Variants in PTPRM observed in about 807,000 individuals in gnomAD.
PTPRM encodes the protein protein tyrosine phosphatase receptor type M.
PTPRM carries 47 observed loss-of-function variants against 186.7 expected under a neutral mutation model. The observed-to-expected ratio is 0.25, with a 90% CI of 0.20 to 0.32. The LOEUF is 0.32. Ranked by LOEUF, PTPRM falls within the 10% of genes least tolerant of loss-of-function variation. The probability of loss-of-function intolerance (pLI) is 1.00; values close to 1 mark genes in which losing one functional copy is unlikely to be tolerated. For synonymous variants in PTPRM, 668 were observed against 674.9 expected (o/e 0.99, Z 0.16); for missense variants, 1,494 against 1,865.0 (o/e 0.80, Z 3.66).
intron 1 of PTPRM, among the ~76,000 whole-genome samples, chr18:7,591,860 A>C (rs1275267096): frequency 1.3e-5 from 2 of 152,234 alleles, no homozygotes; most frequent in African/African-American, 4.8e-5. Context: ...TGAATTCAGC[A>C]CCTGAAGATG....
chr18:7,864,017 C>A (rs992476398), intron 2 of PTPRM, among the ~76,000 whole-genome samples: 1 of 152,168 alleles, frequency 6.6e-6, no homozygotes, highest in Non-Finnish European at 1.5e-5. Context: ...AGTGTCTGTT[C>A]AAATCCTTTG....
intron 14 of PTPRM, among the ~76,000 whole-genome samples, chr18:8,238,343 A>G (rs1037061857): frequency 3.9e-5 from 6 of 152,036 alleles, no homozygotes; most frequent in African/African-American, 1.4e-4. Context: ...TTTTACTGAG[A>G]TAATCTTCAA....
intron 1 of PTPRM, among the ~76,000 whole-genome samples, chr18:7,746,689 C>G (rs1371969359): frequency 6.6e-6 from 1 of 152,138 alleles, no homozygotes; most frequent in Non-Finnish European, 1.5e-5. Flanking sequence ...TGGTCTTGAA[C>G]TCCTAGTCTC....
intron 1 of PTPRM, among the ~76,000 whole-genome samples, chr18:7,597,886 A>G (rs1031617418): frequency 1.3e-5 from 2 of 152,196 alleles, no homozygotes; most frequent in South Asian, 2.1e-4. Context: ...ACTCCCTAAA[A>G]CTATCCAGAT....
In PTPRM at chr18:7,684,108, AG is replaced by A. The variant is rs1395439039; in HGVS notation, c.74-90040del. ...TGAGAACAGCCTCAGTGATTAGGTC[AG>A]ACTCAGAAATTAGAATCTCCTATTC... On this transcript the variant is annotated intron_variant, in intron 1 of 32. Coordinates refer to ENST00000580170, the MANE Select transcript of PTPRM (RefSeq NM_001105244.2). 2.0e-5 allele frequency among the ~76,000 whole-genome samples: 3 copies of A among 152,040 alleles called. No individual in the cohort carries two copies. The East Asian group carries it at 5.8e-4, about 29-fold the overall frequency.
intron 13 of PTPRM, among the ~76,000 whole-genome samples, chr18:8,120,092 G>A (rs547326522): frequency 3.3e-5 from 5 of 152,114 alleles, no homozygotes; most frequent in Admixed American, 6.5e-5. Flanking sequence ...TCACAACTAC[G>A]CAGGTCTGCT....
At chr18:7,802,822 A>G (rs760069274) in intron 2 of PTPRM, among the ~76,000 whole-genome samples, 155 of 152,296 alleles carry the variant, frequency 1.0e-3, no homozygotes, top group Non-Finnish European at 1.4e-3. Context: ...TTATTGAAAA[A>G]CTGTTATGTT....
chr18:8,019,465 T>C (rs528214949), intron 7 of PTPRM, among the ~76,000 whole-genome samples: 109 of 152,290 alleles, frequency 7.2e-4, no homozygotes, highest in Admixed American at 3.8e-3. Context: ...GATTTGTTGG[T>C]CATATTTCTG....
intron 19 of PTPRM, among the ~76,000 whole-genome samples, chr18:8,286,001 C>T (rs72916828): frequency 0.03 from 4,610 of 152,168 alleles, 100 homozygotes; most frequent in South Asian, 0.058. Flanking sequence ...AAAAATGATG[C>T]GAAATTTCAT....
chr18:8,205,691 A>G (rs1335505640), intron 14 of PTPRM, among the ~76,000 whole-genome samples: 1 of 152,190 alleles, frequency 6.6e-6, no homozygotes, highest in South Asian at 2.1e-4. Flanking sequence ...ACACACTGCT[A>G]GCTCTCATAC....
At chr18:8,239,820 C>T (rs2094395448) in intron 14 of PTPRM, among the ~76,000 whole-genome samples, 1 of 152,114 alleles carries the variant, frequency 6.6e-6, no homozygotes, top group Non-Finnish European at 1.5e-5. Context: ...ACCACCAAGT[C>T]CTTTCTTTAA....
At chr18:8,032,410 A>G (rs1468841614) in intron 7 of PTPRM, among the ~76,000 whole-genome samples, 1 of 152,184 alleles carries the variant, frequency 6.6e-6, no homozygotes, top group Non-Finnish European at 1.5e-5. Flanking sequence ...TATAATCTTC[A>G]TAGAAAATGT....
intron 7 of PTPRM, among the ~76,000 whole-genome samples, chr18:7,956,581 C>A (rs193153383): frequency 1.1e-3 from 175 of 152,326 alleles, no homozygotes; most frequent in African/African-American, 4.2e-3. Flanking sequence ...GTTTCTCAGA[C>A]CCCACATCTG....
rs563894353 is a variant in PTPRM, at chr18:7,957,295, A to T, written c.1132+1881A>T. ...AATGCATGTGTCTGTGTTTTCAGGA[A>T]GCCTTTTGATGCTGCTGCATAATGT... On this transcript the variant is annotated intron_variant, in intron 7 of 32. Coordinates refer to ENST00000580170, the MANE Select transcript of PTPRM (RefSeq NM_001105244.2). 5.9e-5 allele frequency among the ~76,000 whole-genome samples: 9 copies of T among 152,198 alleles called. No individual in the cohort carries two copies. In the South Asian group the frequency reaches 1.0e-3, roughly 18 times the overall value.
intron 19 of PTPRM, among the ~76,000 whole-genome samples, chr18:8,294,231 C>T (rs9807538): frequency 1.3e-5 from 2 of 152,036 alleles, no homozygotes; most frequent in Non-Finnish European, 2.9e-5. Context: ...TAGCCTGGGT[C>T]ACAGGGTGAG....
At chr18:7,949,491 G>T (rs2052789965) in intron 6 of PTPRM, 136 bp downstream of exon 6, 1 of 715,834 alleles carries the variant, frequency 1.4e-6, no homozygotes, top group East Asian at 2.9e-5. Context: ...CTATTTTGAT[G>T]GATTGCATTT....
intron 1 of PTPRM, among the ~76,000 whole-genome samples, chr18:7,706,622 A>AC (rs1167810462): frequency 2.7e-5 from 4 of 149,926 alleles, no homozygotes; most frequent in African/African-American, 7.3e-5. Flanking sequence ...AAAAAAAAAA[A>AC]AAAAAAAACA....
At chr18:7,790,115 G>T (rs2043270188) in intron 2 of PTPRM, among the ~76,000 whole-genome samples, 1 of 152,152 alleles carries the variant, frequency 6.6e-6, no homozygotes. Flanking sequence ...TAGTTAAGAT[G>T]CAGTGTCAGG....
In PTPRM at chr18:7,976,599, T is replaced by C. The variant is rs151322603; in HGVS notation, c.1132+21185T>C. On this transcript the variant is annotated intron_variant, in intron 7 of 32. Transcript: ENST00000580170. ...GTTAACGTAAAACTATTCTACAAGA[T>C]AAAGTTTTATTTATGAAAAAAAAAG... Among the ~76,000 whole-genome samples the C allele has an allele frequency of 2.2e-3, 329 of 152,072 alleles. 4 individuals carry two copies. Among genetic ancestry groups the C allele is most frequent in the African/African-American group, 7.6e-3 (314 of 41,486 alleles).
Sources: allele counts gnomAD v4.1 joint callset (sites outside exome capture counted in the v4.1 genomes callset), GRCh38; gene constraint gnomAD v4.1.1; transcripts MANE v1.5; gene names NCBI Gene and HGNC (gene_info 2026-07-23, HGNC 2026-07-21).